The following CNTN5 variants were observed in gnomAD, a reference collection of about 807,000 sequenced individuals.
The protein encoded by CNTN5 is contactin-5.
In CNTN5, 77 loss-of-function variants were observed where a neutral mutation model predicts 129.1. That is an observed-to-expected ratio of 0.60 (90% CI 0.50 to 0.72). The LOEUF is 0.72. Ranked by LOEUF, CNTN5 falls within the 30% of genes least tolerant of loss-of-function variation. CNTN5 has a pLI of 0.00. For synonymous variants in CNTN5, 509 were observed against 465.6 expected (o/e 1.09, Z -1.20); for missense variants, 1,478 against 1,328.8 (o/e 1.11, Z -1.75).
At chr11:99,776,802 T>A (rs1945140488) in intron 3 of CNTN5, among the ~76,000 whole-genome samples, 1 of 151,632 alleles carries the variant, frequency 6.6e-6, no homozygotes, top group African/African-American at 2.4e-5. Context: ...AAAAAAAAAC[T>A]ATTCAAAAGC....
chr11:99,363,604 A>C (rs921053671), intron 2 of CNTN5, among the ~76,000 whole-genome samples: 3 of 152,102 alleles, frequency 2.0e-5, no homozygotes, highest in East Asian at 3.9e-4. Flanking sequence ...CAAGAAGGCA[A>C]ACAGAAACAA....
At chr11:99,133,026 CA>C (rs1357080065) in intron 1 of CNTN5, among the ~76,000 whole-genome samples, 1 of 152,076 alleles carries the variant, frequency 6.6e-6, no homozygotes, top group Non-Finnish European at 1.5e-5. Flanking sequence ...CTGCAGTAAC[CA>C]GAACAGCATG....
intron 8 of CNTN5, among the ~76,000 whole-genome samples, chr11:99,989,591 C>T (rs1938920866): frequency 6.6e-6 from 1 of 151,856 alleles, no homozygotes; most frequent in African/African-American, 2.4e-5. Flanking sequence ...AAATTATGAA[C>T]TTATTGTAAA....
intron 3 of CNTN5, among the ~76,000 whole-genome samples, chr11:99,686,671 C>T (rs984517801): frequency 4.6e-5 from 7 of 151,764 alleles, no homozygotes; most frequent in African/African-American, 1.2e-4. Flanking sequence ...TTTTGGGTTT[C>T]GGGTGTATAT....
In CNTN5 at chr11:99,935,042, C is replaced by T. The variant is rs528786593; in HGVS notation, c.673+18893C>T. ...TAATATCTAGAAAATGGAAATACAT[C>T]TCCAGCATATATCTTCACATAGAAA... is the stretch of plus-strand genomic sequence containing the variant. On this transcript the variant is annotated intron_variant, in intron 7 of 24. Coordinates refer to ENST00000524871, the MANE Select transcript of CNTN5 (RefSeq NM_014361.4). Among the ~76,000 whole-genome samples the T allele has an allele frequency of 1.8e-4, 27 of 149,552 alleles. 1 individual carries two copies. In the South Asian group the frequency reaches 3.8e-3, roughly 21 times the overall value.
intron 2 of CNTN5, among the ~76,000 whole-genome samples, chr11:99,407,883 C>T (rs949516964): frequency 1.3e-5 from 2 of 152,168 alleles, no homozygotes; most frequent in Non-Finnish European, 2.9e-5. Context: ...CACTGACTCT[C>T]CATCTCCATA....
intron 3 of CNTN5, among the ~76,000 whole-genome samples, chr11:99,746,606 C>A (rs2135191169): frequency 6.6e-6 from 1 of 152,264 alleles, no homozygotes; most frequent in Non-Finnish European, 1.5e-5. Context: ...CTATTGTGAA[C>A]TGAGCATGTG....
chr11:99,950,521 T>G (rs938068580), intron 7 of CNTN5, among the ~76,000 whole-genome samples: 1 of 152,234 alleles, frequency 6.6e-6, no homozygotes, highest in African/African-American at 2.4e-5. Flanking sequence ...TTCTTTCTCT[T>G]GGTACTAACC....
At chr11:99,800,936 T>C (rs1946095676) in intron 3 of CNTN5, among the ~76,000 whole-genome samples, 1 of 152,122 alleles carries the variant, frequency 6.6e-6, no homozygotes, top group African/African-American at 2.4e-5. Flanking sequence ...AAGATTAATA[T>C]TGATATGTGA....
chr11:100,339,122 G>A (rs79414565), intron 21 of CNTN5, among the ~76,000 whole-genome samples: 2,240 of 152,120 alleles, frequency 0.015, 20 homozygotes, highest in Non-Finnish European at 0.023. Flanking sequence ...TCTTAGTTCT[G>A]CCATCCATGG....
chr11:99,025,782 G>T (rs1277039524), intron 1 of CNTN5, among the ~76,000 whole-genome samples: 1 of 151,532 alleles, frequency 6.6e-6, no homozygotes, highest in African/African-American at 2.4e-5. Context: ...ATGGGATGTT[G>T]ATTTTGTGAG....
chr11:99,876,949 T>G (rs1352938948), intron 6 of CNTN5, among the ~76,000 whole-genome samples: 1 of 152,202 alleles, frequency 6.6e-6, no homozygotes, highest in Non-Finnish European at 1.5e-5. Context: ...TTTCTTTTAT[T>G]CTTTTATTCT....
intron 8 of CNTN5, among the ~76,000 whole-genome samples, chr11:99,962,411 G>T (rs1029795745): frequency 2.5e-4 from 37 of 150,896 alleles, no homozygotes; most frequent in African/African-American, 8.7e-4. Flanking sequence ...TGCAGTGTTT[G>T]GTTTTTTGTC....
chr11:99,059,765 T>C lies in CNTN5; in HGVS notation c.-210+38495T>C, dbSNP rs1221932056. 3.3e-5 allele frequency among the ~76,000 whole-genome samples: 5 copies of C among 152,220 alleles called. No individual in the cohort carries two copies. In the East Asian group the frequency reaches 9.6e-4, roughly 29 times the overall value. On this transcript the variant is annotated intron_variant, in intron 1 of 24. Coordinates refer to ENST00000524871, the MANE Select transcript of CNTN5 (RefSeq NM_014361.4). ...AATGCCATATATACAGACTCCAGTG[T>C]GGTTATTTTCTCTTCTTATTAAGGG...
chr11:99,035,075 C>T (rs1407103236), intron 1 of CNTN5, among the ~76,000 whole-genome samples: 17 of 150,034 alleles, frequency 1.1e-4, no homozygotes, highest in African/African-American at 3.9e-4. Flanking sequence ...TGTAGTTGAG[C>T]GGTTTTGAGT....
Position 100,145,455 on chromosome 11 carries a change from C to T in CNTN5, c.1581-45671C>T, listed in dbSNP as rs566567713. On this transcript the variant is annotated intron_variant, in intron 13 of 24. Coordinates refer to ENST00000524871, the MANE Select transcript of CNTN5 (RefSeq NM_014361.4). ...TTAAATTTCTGATGAGTGACTCTTA[C>T]GTAGGTAGGTGTTACACATTTGCAA... 6.6e-5 allele frequency among the ~76,000 whole-genome samples: 10 copies of T among 152,196 alleles called. No individual in the cohort carries two copies. The South Asian group carries it at 1.2e-3, about 19-fold the overall frequency.
At chr11:99,177,821 TAAAG>T (rs1857853017) in intron 1 of CNTN5, among the ~76,000 whole-genome samples, 1 of 151,968 alleles carries the variant, frequency 6.6e-6, no homozygotes, top group African/African-American at 2.4e-5. Context: ...GCTACACAAA[TAAAG>T]AAAATGAATT....
At position 99,990,455 on chromosome 11, in the gene CNTN5, T is replaced by TACAC. The variant is rs57175307; in HGVS notation, c.878-11553_878-11550dup. The stretch of plus-strand genomic sequence containing the variant: ...CCCTTATTTTTAGAATATATATATA[T>TACAC]ACACACACACACACACACACACACA... On this transcript the variant is annotated intron_variant, in intron 8 of 24. Transcript: ENST00000524871. 5.9e-3 allele frequency among the ~76,000 whole-genome samples: 853 copies of TACAC among 145,170 alleles called. 7 individuals are homozygous for TACAC. Among genetic ancestry groups the TACAC allele is most frequent in the Middle Eastern group, 0.035 (10 of 282 alleles).
chr11:99,482,671 C>A (rs1467902130), intron 2 of CNTN5, among the ~76,000 whole-genome samples: 1 of 151,988 alleles, frequency 6.6e-6, no homozygotes, highest in East Asian at 1.9e-4. Context: ...AATGCAAAAT[C>A]CCAAACTATA....
Sources: gnomAD v4.1 joint callset for allele counts (sites outside exome capture counted in the v4.1 genomes callset) on GRCh38, gnomAD v4.1.1 for gene constraint, MANE v1.5 for transcripts, NCBI Gene and HGNC (gene_info 2026-07-23, HGNC 2026-07-21) for gene names.